The following JAKMIP3 variants were observed in gnomAD, a reference collection of about 807,000 sequenced individuals.
JAKMIP3 encodes the protein janus kinase and microtubule-interacting protein 3.
A neutral mutation model predicts 118.5 loss-of-function variants in JAKMIP3; 58 were observed. The ratio of observed to expected loss-of-function variants is 0.49; its 90% CI spans 0.40 to 0.61. The LOEUF (loss-of-function observed/expected upper bound fraction) is 0.61. JAKMIP3 is among the 20% of genes least tolerant of loss of function. The pLI, the probability that JAKMIP3 is intolerant of heterozygous loss-of-function variation, is 0.00. For missense variants in JAKMIP3, 950 were observed against 1,109.0 expected (o/e 0.86, Z 2.04); for synonymous variants, 486 against 451.2 (o/e 1.08, Z -0.98).
Position 132,112,068 on chromosome 10 carries a change from C to T in JAKMIP3, c.136-5009C>T, listed in dbSNP as rs576589363. 3.9e-5 allele frequency among the ~76,000 whole-genome samples: 6 copies of T among 152,210 alleles called. No individual in the cohort carries two copies. In the East Asian group the frequency reaches 1.2e-3, roughly 29 times the overall value. ...GTGCGGGTGGACGGTGCATGGGATG[C>T]TCCAGGCTTGGGTCTGAGCAGCAGT... On this transcript the variant is annotated intron_variant, in intron 2 of 23. Coordinates refer to ENST00000684848, the MANE Select transcript of JAKMIP3 (RefSeq NM_001323087.2). This position sits in a 1 kb window ranked among gnomAD's most constrained non-coding sequence, Gnocchi z 4.3.
At chr10:132,115,108 A>G (rs998047349) in intron 2 of JAKMIP3, among the ~76,000 whole-genome samples, 6 of 152,364 alleles carry the variant, frequency 3.9e-5, no homozygotes, top group Admixed American at 6.5e-5. Context: ...CACTTCCCCA[A>G]GCTGCCAAAT....
At chr10:132,067,066 C>T (rs1003487808) in intron 1 of JAKMIP3, among the ~76,000 whole-genome samples, 11 of 152,148 alleles carry the variant, frequency 7.2e-5, no homozygotes, top group East Asian at 1.9e-4. Context: ...CGTGGTAAAA[C>T]GCCACCTCAG....
chr10:132,076,083 T>C (rs1428523389), intron 1 of JAKMIP3, among the ~76,000 whole-genome samples: 1 of 152,124 alleles, frequency 6.6e-6, no homozygotes, highest in Non-Finnish European at 1.5e-5. Context: ...ATTTACAGAG[T>C]TGCACAACCA....
At chr10:132,141,812 A>G in intron 10 of JAKMIP3, 108 bp from the exon 11 acceptor site, 1 of 1,284,766 alleles carries the variant, frequency 7.8e-7, no homozygotes, top group Non-Finnish European at 1.1e-6. Flanking sequence ...CCCCCCATAC[A>G]CCATTTGATA....
At chr10:132,124,978 TA>T (rs1238413884) in intron 3 of JAKMIP3, among the ~76,000 whole-genome samples, 1 of 152,264 alleles carries the variant, frequency 6.6e-6, no homozygotes, top group Non-Finnish European at 1.5e-5. Flanking sequence ...TCCCTGCCAT[TA>T]AGCCAGAGTA....
rs752983229 is a variant in JAKMIP3, at chr10:132,117,320, G to A, written c.379G>A (p.Gly127Ser). Residue 127 changes from glycine to serine, a missense_variant, in exon 3 of 24, where the codon GGC becomes AGC. Gly to Ser is a moderately conservative substitution (Grantham distance 56, BLOSUM62 0). Coordinates refer to ENST00000684848, the MANE Select transcript of JAKMIP3 (RefSeq NM_001323087.2). This position sits in a 1 kb window ranked among gnomAD's most constrained non-coding sequence, Gnocchi z 8.6. The part of the protein sequence containing the change: ...QALLSALRDG[G>S]PEKVKTVLLS... ...ACTGCTCAGTGCCCTGCGTGATGGC[G>A]GCCCCGAAAAGGTCAAGACCGTGCT... 2.9e-5 allele frequency: 47 copies of A among 1,613,868 alleles called. No individual in the cohort carries two copies. The highest frequency in any genetic ancestry group is 1.6e-4 in the South Asian group (15 of 91,080).
chr10:132,175,494 T>A (rs2060058402), intron 23 of JAKMIP3, among the ~76,000 whole-genome samples: 1 of 152,166 alleles, frequency 6.6e-6, no homozygotes, highest in Non-Finnish European at 1.5e-5. Context: ...TGGGGTCCCT[T>A]GAGCCGGCAG....
At chr10:132,123,147 C>T (rs2048848400) in intron 3 of JAKMIP3, among the ~76,000 whole-genome samples, 1 of 152,174 alleles carries the variant, frequency 6.6e-6, no homozygotes, top group Admixed American at 6.5e-5. Context: ...ACTTTCCACC[C>T]ACAGGTGCGA....
intron 1 of JAKMIP3, among the ~76,000 whole-genome samples, chr10:132,073,943 C>T (rs2040375653): frequency 6.6e-6 from 1 of 152,236 alleles, no homozygotes; most frequent in African/African-American, 2.4e-5. Context: ...TTTGAGAAAT[C>T]TCCATACGGT....
At chr10:132,095,805 G>C (rs1034000564) in intron 1 of JAKMIP3, among the ~76,000 whole-genome samples, 2 of 152,132 alleles carry the variant, frequency 1.3e-5, no homozygotes, top group African/African-American at 4.8e-5. Context: ...CTTTGTTCTG[G>C]GACACTGCTG....
intron 2 of JAKMIP3, among the ~76,000 whole-genome samples, chr10:132,115,162 A>G (rs2047430418): frequency 6.6e-6 from 1 of 152,052 alleles, no homozygotes; most frequent in African/African-American, 2.4e-5. Flanking sequence ...CATACTACAC[A>G]GCTCTGCAAT....
upstream of JAKMIP3, among the ~76,000 whole-genome samples, chr10:132,061,271 G>GCA (rs1341707506): frequency 7.3e-6 from 1 of 136,716 alleles, no homozygotes. Flanking sequence ...GTGATGGCGC[G>GCA]CACACACACC....
chr10:132,056,595 C>T (rs757418789), intron 1 of JAKMIP3, among the ~76,000 whole-genome samples: 3 of 152,208 alleles, frequency 2.0e-5, no homozygotes, highest in Non-Finnish European at 2.9e-5. Flanking sequence ...CGAGGGCCAT[C>T]GGACTTGGGC....
intron 2 of JAKMIP3, among the ~76,000 whole-genome samples, chr10:132,116,567 T>A (rs1399612109): frequency 1.9e-4 from 12 of 61,776 alleles, no homozygotes; most frequent in South Asian, 1.0e-3. Flanking sequence ...AGTGTGTGCA[T>A]CATGGACGCT....
chr10:132,094,893 G>A (rs538938057), intron 1 of JAKMIP3, among the ~76,000 whole-genome samples: 6 of 152,250 alleles, frequency 3.9e-5, no homozygotes, highest in Middle Eastern at 6.8e-3. Context: ...TCTCTTGGGC[G>A]GGTCTTGCTG....
chr10:132,125,368 C>CA (rs2049331813), intron 3 of JAKMIP3, among the ~76,000 whole-genome samples: 1 of 152,272 alleles, frequency 6.6e-6, no homozygotes, highest in South Asian at 2.1e-4. Flanking sequence ...TTTGGTCGTG[C>CA]ATCAAGTGAG....
chr10:132,133,886 C>T (rs1589897023), intron 4 of JAKMIP3, among the ~76,000 whole-genome samples: 2 of 152,236 alleles, frequency 1.3e-5, no homozygotes, highest in Admixed American at 6.5e-5. Context: ...GCGCTGCCAC[C>T]ATCTCCAAGC....
chr10:132,064,977 C>T (rs181591428), upstream of JAKMIP3, among the ~76,000 whole-genome samples: 19 of 152,204 alleles, frequency 1.2e-4, no homozygotes, highest in African/African-American at 4.3e-4. This position sits in a 1 kb window ranked among gnomAD's most constrained non-coding sequence, Gnocchi z 4.4. Context: ...TGAGGCAGAG[C>T]GGGCTGGGAG....
intron 1 of JAKMIP3, among the ~76,000 whole-genome samples, chr10:132,066,410 G>T (rs914389894): frequency 3.9e-5 from 6 of 152,210 alleles, no homozygotes; most frequent in Admixed American, 3.9e-4. Flanking sequence ...GGGGAAGCCA[G>T]GCTGAGTCTG....
Sources: gnomAD v4.1 joint callset for allele counts (sites outside exome capture counted in the v4.1 genomes callset) on GRCh38, gnomAD v4.1.1 for gene constraint, Gnocchi (gnomAD v3.1) non-coding constraint, MANE v1.5 for transcripts, NCBI Gene and HGNC (gene_info 2026-07-23, HGNC 2026-07-21) for gene names.